Variants in OR1L8 observed in about 807,000 individuals in gnomAD.
OR1L8 encodes the protein olfactory receptor family 1 subfamily L member 8, also known as olfactory receptor 1L8.
For synonymous variants in OR1L8, 148 were observed against 147.0 expected (o/e 1.01, Z -0.05); for missense variants, 330 against 377.4 (o/e 0.87, Z 1.04).
intron 4 of OR1L8, among the ~76,000 whole-genome samples, chr9:122,568,967 G>T (rs888699342): frequency 2.7e-5 from 4 of 149,840 alleles, no homozygotes; most frequent in African/African-American, 7.4e-5. Context: ...CAGACTGGGG[G>T]TATTTTAGAT....
the OR1L8 span, among the ~76,000 whole-genome samples, chr9:122,551,866 TCTAATAAA>T: frequency 2.0e-5 from 3 of 152,170 alleles, no homozygotes; most frequent in Non-Finnish European, 4.4e-5. Flanking sequence ...TTCAGGTATT[TCTAATAAA>T]CTCTGGACTC....
chr9:122,579,498 G>A (rs1044625751), intron 1 of OR1L8, among the ~76,000 whole-genome samples: 2 of 152,130 alleles, frequency 1.3e-5, no homozygotes, highest in African/African-American at 4.8e-5. Context: ...GAAATTTCAG[G>A]TTGTCAACTA....
At chr9:122,548,071 T>C in the OR1L8 span, among the ~76,000 whole-genome samples, 397 of 152,360 alleles carry the variant, frequency 2.6e-3, 1 homozygote, top group African/African-American at 8.9e-3. Context: ...CATATGCTTA[T>C]TAACCATTTG....
Position 122,583,345 on chromosome 9 carries a change from G to A in OR1L8, c.-624C>T, listed in dbSNP as rs1330397134. 1 of 151,810 alleles carries A rather than the reference G, an allele frequency of 6.6e-6. No homozygotes were observed. Among genetic ancestry groups the A allele is most frequent in the African/African-American group, 2.4e-5 (1 of 41,350 alleles). The allele number at this position is 151,810 out of a possible 1,614,324, so 9.4% of individuals were successfully genotyped here. On this transcript the variant is annotated 5_prime_UTR_variant, in exon 1 of 5. Coordinates refer to ENST00000641027, the MANE Select transcript of OR1L8 (RefSeq NM_001004454.2). Reference sequence around the variant, plus strand: ...CAGTCAAGAGAAGCCGAAGGAGACAGGATGACTGAATATAATATAATATCC... The same window carrying A: ...CAGTCAAGAGAAGCCGAAGGAGACAAGATGACTGAATATAATATAATATCC...
At position 122,568,343 on chromosome 9, in the gene OR1L8, G is replaced by A; in HGVS notation, c.135C>T (p.Leu45=). The change falls in exon 5 of 5, where the codon CTC becomes CTT. Residue 45 remains leucine, a synonymous_variant. Coordinates refer to ENST00000641027, the MANE Select transcript of OR1L8 (RefSeq NM_001004454.2). ...GGTTGAAGCGAATGGCCAGGATGAT[G>A]AGCAGGTTCCCTGTTATGGTGACCA... ...VYLVTITGNL[L]IILAIRFNPH... is the part of the protein sequence containing the mutation. The A allele has an allele frequency of 6.2e-7, 1 of 1,614,134 alleles. No individual in the cohort carries two copies.
the OR1L8 span, chr9:122,554,160 T>C: frequency 6.2e-7 from 1 of 1,607,900 alleles, no homozygotes; most frequent in African/African-American, 1.3e-5. Flanking sequence ...ATTCTTTTTA[T>C]GATTAGACAT....
At chr9:122,553,758 G>A in the OR1L8 span, 5 of 1,614,014 alleles carry the variant, frequency 3.1e-6, no homozygotes, top group South Asian at 4.4e-5. Flanking sequence ...TTTCTATTGT[G>A]ATCCTAGTGC....
chr9:122,560,502 G>A, the OR1L8 span, among the ~76,000 whole-genome samples: 1 of 152,124 alleles, frequency 6.6e-6, no homozygotes, highest in East Asian at 1.9e-4. Flanking sequence ...TCCTTCAGGA[G>A]CTCTTGCAAG....
chr9:122,549,913 G>C, the OR1L8 span, among the ~76,000 whole-genome samples: 159 of 152,152 alleles, frequency 1.0e-3, no homozygotes, highest in African/African-American at 3.7e-3. Flanking sequence ...TTGGTATTTT[G>C]ATAGGAATTG....
At chr9:122,570,399 C>T (rs1028729794) in intron 4 of OR1L8, among the ~76,000 whole-genome samples, 1 of 152,210 alleles carries the variant, frequency 6.6e-6, no homozygotes, top group Non-Finnish European at 1.5e-5. Context: ...GGCCTTAATA[C>T]ACCAGAATTT....
At chr9:122,554,146 A>T in the OR1L8 span, 1 of 1,611,440 alleles carries the variant, frequency 6.2e-7, no homozygotes, top group East Asian at 2.2e-5. Context: ...GTCAGTGGAA[A>T]AACATTCTTT....
intron 1 of OR1L8, among the ~76,000 whole-genome samples, chr9:122,582,134 G>C (rs981550327): frequency 1.3e-5 from 2 of 152,058 alleles, no homozygotes; most frequent in Non-Finnish European, 2.9e-5. Context: ...GCAAGAAAAA[G>C]CAAATTTCTT....
chr9:122,576,408 A>AT (rs1829657778), intron 3 of OR1L8, among the ~76,000 whole-genome samples: 1 of 111,900 alleles, frequency 8.9e-6, no homozygotes, highest in African/African-American at 3.3e-5. Flanking sequence ...TTTTTTTTGT[A>AT]TTTTTTAGTA....
At chr9:122,577,973 A>G (rs555818042) in intron 2 of OR1L8, among the ~76,000 whole-genome samples, 66 of 152,352 alleles carry the variant, frequency 4.3e-4, no homozygotes, top group South Asian at 8.3e-4. Flanking sequence ...CTGATCATAT[A>G]AATACTAAAA....
chr9:122,548,930 C>T, the OR1L8 span, among the ~76,000 whole-genome samples: 3 of 151,926 alleles, frequency 2.0e-5, no homozygotes, highest in Non-Finnish European at 4.4e-5. Flanking sequence ...TTTGTTTACT[C>T]TGTTGATTAT....
chr9:122,560,614 G>A, the OR1L8 span, among the ~76,000 whole-genome samples: 1 of 152,106 alleles, frequency 6.6e-6, no homozygotes, highest in Non-Finnish European at 1.5e-5. Context: ...ATGAAATTCT[G>A]CGTTGAAAAT....
At chr9:122,550,837 A>G in the OR1L8 span, among the ~76,000 whole-genome samples, 1 of 152,006 alleles carries the variant, frequency 6.6e-6, no homozygotes, top group Admixed American at 6.6e-5. Context: ...TAAGAACTAG[A>G]GAAAGACGAA....
chr9:122,553,605 C>T, the OR1L8 span: 2 of 1,614,116 alleles, frequency 1.2e-6, no homozygotes, highest in South Asian at 2.2e-5. Context: ...CATCTGCCAA[C>T]CACTCCATTA....
chr9:122,567,478 A>G lies in OR1L8; in HGVS notation c.*70T>C. ...TAGCTTCCAACAGCTTTGACTGTTC[A>G]CCAGAAACCAGTAGAAAACACGTCC... On this transcript the variant is annotated 3_prime_UTR_variant, in exon 5 of 5. Coordinates refer to ENST00000641027, the MANE Select transcript of OR1L8 (RefSeq NM_001004454.2). 1.0e-5 allele frequency: 12 copies of G among 1,192,524 alleles called. No individual in the cohort carries two copies. Among genetic ancestry groups the G allele is most frequent in the Non-Finnish European group, 1.4e-5 (12 of 842,734 alleles). 73.9% of individuals were successfully genotyped at this position (1,192,524 alleles called of 1,614,324 possible).
Sources: allele counts gnomAD v4.1 joint callset (sites outside exome capture counted in the v4.1 genomes callset), GRCh38; gene constraint gnomAD v4.1.1; transcripts MANE v1.5; gene names NCBI Gene and HGNC (gene_info 2026-07-23, HGNC 2026-07-21).